Variants in METTL21C observed in about 807,000 individuals in gnomAD.
The protein encoded by METTL21C is methyltransferase 21C, AARS1 lysine.
Under a neutral mutation model 25.9 loss-of-function variants are expected in METTL21C, and 21 were observed. That is an observed-to-expected ratio of 0.81 (90% confidence interval 0.58 to 1.17). The LOEUF is 1.17. METTL21C is among the 50% of genes most tolerant of loss of function. The probability of loss-of-function intolerance (pLI) is 0.00; values close to 1 mark genes in which losing one functional copy is unlikely to be tolerated. For synonymous variants in METTL21C, 125 were observed against 124.7 expected (o/e 1.00, Z -0.01); for missense variants, 312 against 315.1 (o/e 0.99, Z 0.07).
At chr13:102,698,262 G>A (rs1479359538), upstream of METTL21C, among the ~76,000 whole-genome samples, 1 of 152,146 alleles carries the variant, frequency 6.6e-6, no homozygotes, top group African/African-American at 2.4e-5. Context: ...GAAAAGCTGA[G>A]CATCTGAAAC....
chr13:102,700,807 C>T, the METTL21C span, among the ~76,000 whole-genome samples: 8 of 152,088 alleles, frequency 5.3e-5, no homozygotes, highest in Admixed American at 1.3e-4. Flanking sequence ...TCCTGTTTTA[C>T]TGTGAGGCCT....
intron 1 of METTL21C, among the ~76,000 whole-genome samples, chr13:102,693,148 G>T (rs984246668): frequency 6.6e-6 from 1 of 151,976 alleles, no homozygotes; most frequent in Non-Finnish European, 1.5e-5. Context: ...TGTTCCTACC[G>T]TACAGACACC....
the METTL21C span, among the ~76,000 whole-genome samples, chr13:102,700,389 C>A: frequency 1.3e-5 from 2 of 152,140 alleles, no homozygotes; most frequent in Non-Finnish European, 2.9e-5. Context: ...TTTCCCCAAT[C>A]CAGTCCTTAA....
rs144831458 is a variant in METTL21C, at chr13:102,694,385, G to C, written c.114C>G (p.Thr38=). The change falls in exon 1 of 4, where the codon ACC becomes ACG. Residue 38 remains threonine, a synonymous_variant. Coordinates refer to ENST00000267273, the MANE Select transcript of METTL21C (RefSeq NM_001010977.3). The part of the protein sequence containing the change: ...EKKGAPQKDS[T]GGVLEESNKI... The stretch of plus-strand genomic sequence containing the variant: ...GGAGGTTACCTTCTAGGACTCCCCC[G>C]GTGCTGTCTTTCTGCGGAGCCCCCT... 1.3e-4 allele frequency: 206 copies of C among 1,566,022 alleles called. No individual in the cohort carries two copies. The highest frequency in any genetic ancestry group is 1.7e-4 in the Non-Finnish European group (200 of 1,160,788).
At chr13:102,689,736 C>G (rs921751810) in intron 2 of METTL21C, among the ~76,000 whole-genome samples, 1 of 152,224 alleles carries the variant, frequency 6.6e-6, no homozygotes. Flanking sequence ...CAGTCGGGAG[C>G]TTTACCACGC....
At chr13:102,699,462 A>C (rs1885999426), upstream of METTL21C, among the ~76,000 whole-genome samples, 1 of 152,156 alleles carries the variant, frequency 6.6e-6, no homozygotes, top group Admixed American at 6.5e-5. Flanking sequence ...CCAGAATATG[A>C]ATAGGAGACT....
upstream of METTL21C, among the ~76,000 whole-genome samples, chr13:102,695,202 A>T (rs554659484): frequency 3.5e-4 from 53 of 152,262 alleles, no homozygotes; most frequent in African/African-American, 1.3e-3. Context: ...GAACACAAGG[A>T]TCTACCAAGA....
At chr13:102,703,455 G>A in the METTL21C span, among the ~76,000 whole-genome samples, 12 of 152,318 alleles carry the variant, frequency 7.9e-5, no homozygotes, top group East Asian at 2.3e-3. Flanking sequence ...CTCAGTTAAA[G>A]TTAACTGCCA....
At chr13:102,704,261 T>A in the METTL21C span, among the ~76,000 whole-genome samples, 1 of 152,220 alleles carries the variant, frequency 6.6e-6, no homozygotes, top group Non-Finnish European at 1.5e-5. Flanking sequence ...AGCTAGGTTC[T>A]AATTCTTTCG....
rs372071156 is a variant in METTL21C at position 102,693,149 on chromosome 13, TACAGACACC to T, written c.130+1211_130+1219del. On this transcript the variant is annotated intron_variant, in intron 1 of 3. Transcript: ENST00000267273. ...TCGCCACTGTGTAGTGTTCCTACCGTACAGACACCACAGACACGATTAACCTCGAGAGCA... is the reference window on the plus strand; with the variant it reads ...TCGCCACTGTGTAGTGTTCCTACCGTACAGACACGATTAACCTCGAGAGCA... Among the ~76,000 whole-genome samples the T allele has an allele frequency of 6.5e-3, 989 of 152,212 alleles. 13 individuals are homozygous for T. Among genetic ancestry groups the T allele is most frequent in the African/African-American group, 0.022 (931 of 41,520 alleles).
At chr13:102,702,499 T>C in the METTL21C span, among the ~76,000 whole-genome samples, 3 of 152,170 alleles carry the variant, frequency 2.0e-5, no homozygotes, top group Admixed American at 6.5e-5. Context: ...TGATTTTCCA[T>C]ATAGAATATG....
upstream of METTL21C, among the ~76,000 whole-genome samples, chr13:102,700,018 C>T (rs909852444): frequency 8.5e-5 from 13 of 152,204 alleles, no homozygotes; most frequent in African/African-American, 3.1e-4. Flanking sequence ...AAATCTCCAC[C>T]TGCAGAGAAA....
chr13:102,690,605 G>C (rs996416031), intron 2 of METTL21C, among the ~76,000 whole-genome samples: 1 of 152,000 alleles, frequency 6.6e-6, no homozygotes, highest in African/African-American at 2.4e-5. Context: ...TCGAGAAACA[G>C]AGCTTGAAGC....
chr13:102,685,998 C>G lies in METTL21C; in HGVS notation c.*33G>C. ...AATTTCTAACACATTGCTCAAAAGA[C>G]ACAGTAACGTTGTGAAAGGCATTTT... On this transcript the variant is annotated 3_prime_UTR_variant, in exon 4 of 4. Coordinates refer to ENST00000267273, the MANE Select transcript of METTL21C (RefSeq NM_001010977.3). 1 of 1,534,386 alleles carries G rather than the reference C, an allele frequency of 6.5e-7. No individual in the cohort carries two copies. The highest frequency in any genetic ancestry group is 8.8e-7 in the Non-Finnish European group (1 of 1,140,024).
intron 2 of METTL21C, among the ~76,000 whole-genome samples, chr13:102,688,233 C>T (rs1240877882): frequency 1.3e-5 from 2 of 152,186 alleles, no homozygotes; most frequent in African/African-American, 4.8e-5. Flanking sequence ...CTTAGGATTA[C>T]CAGTGGTAGG....
At chr13:102,686,473 G>C (rs754120319) in intron 3 of METTL21C, 48 bp from the exon 4 acceptor site, 1 of 1,561,976 alleles carries the variant, frequency 6.4e-7, no homozygotes, top group Non-Finnish European at 8.7e-7. Context: ...GGCAGTCACA[G>C]TGTACATATA....
At chr13:102,695,653 A>T (rs1163307152), upstream of METTL21C, among the ~76,000 whole-genome samples, 2 of 152,066 alleles carry the variant, frequency 1.3e-5, no homozygotes, top group Non-Finnish European at 2.9e-5. Context: ...TTCACTCAGG[A>T]TGTTCATCTA....
intron 1 of METTL21C, among the ~76,000 whole-genome samples, chr13:102,692,057 G>A (rs1885845349): frequency 6.6e-6 from 1 of 152,184 alleles, no homozygotes; most frequent in South Asian, 2.1e-4. Context: ...TAGGGGGGAG[G>A]AAGGTCAGTT....
At chr13:102,698,914 C>A (rs1437698265), upstream of METTL21C, among the ~76,000 whole-genome samples, 1 of 152,188 alleles carries the variant, frequency 6.6e-6, no homozygotes, top group African/African-American at 2.4e-5. Flanking sequence ...AGCAGGAGTT[C>A]ATGGACCTTC....
Sources: allele counts gnomAD v4.1 joint callset (sites outside exome capture counted in the v4.1 genomes callset), GRCh38; gene constraint gnomAD v4.1.1; transcripts MANE v1.5; gene names NCBI Gene and HGNC (gene_info 2026-07-23, HGNC 2026-07-21).